The following CCSAP variants were observed in gnomAD, a reference collection of about 807,000 sequenced individuals.
CCSAP encodes centriole, cilia and spindle associated protein, also known as centriole, cilia and spindle-associated protein.
In CCSAP, 17 loss-of-function variants were observed where a neutral mutation model predicts 25.9. The observed-to-expected ratio is 0.66, with a 90% CI of 0.45 to 0.99. The LOEUF (loss-of-function observed/expected upper bound fraction) is 0.99, where lower values mean the gene tolerates loss of function less well. CCSAP is among the 50% of genes least tolerant of loss of function. The pLI is 0.00. For synonymous variants in CCSAP, 169 were observed against 157.1 expected, an observed-to-expected ratio of 1.08 and a Z score of -0.57; for missense variants, 339 against 367.8, an observed-to-expected ratio of 0.92 and a Z score of 0.64.
At chr1:229,340,355 A>T (rs886400236) in intron 2 of CCSAP, 7 of 712,486 alleles carry the variant, frequency 9.8e-6, no homozygotes, top group Middle Eastern at 2.3e-4. Context: ...AACTGAGAGG[A>T]CGCTATATTT....
rs966513700 is a variant in CCSAP at position 229,321,818 on chromosome 1, T to C, written c.*3417A>G. ...TCTGTATCCGTGAGTTCTGCATCCA[T>C]GGATTCAACCAAATACAAATTGAAA... On this transcript the variant is annotated 3_prime_UTR_variant, in exon 4 of 4. Coordinates refer to ENST00000284617, the MANE Select transcript of CCSAP (RefSeq NM_145257.5). 2.0e-5 allele frequency: 3 copies of C among 152,238 alleles called. No homozygotes were observed. The highest frequency in any genetic ancestry group is 4.4e-5 in the Non-Finnish European group (3 of 68,044). 9.4% of individuals were successfully genotyped at this position (152,238 alleles called of 1,614,324 possible).
chr1:229,341,212 A>G (rs1213588713), intron 2 of CCSAP, among the ~76,000 whole-genome samples: 1 of 150,992 alleles, frequency 6.6e-6, no homozygotes, highest in African/African-American at 2.4e-5. Context: ...AAAAAAAAAA[A>G]GATTACAACA....
chr1:229,326,390 G>C (rs1657940682), intron 3 of CCSAP, among the ~76,000 whole-genome samples: 1 of 152,228 alleles, frequency 6.6e-6, no homozygotes, highest in Non-Finnish European at 1.5e-5. Flanking sequence ...GGCAAATCCA[G>C]ATGGGCCGTC....
Position 229,321,459 on chromosome 1 carries a change from C to T in CCSAP, c.*3776G>A, listed in dbSNP as rs1043017094. 5 of 152,118 alleles carry T rather than the reference C, an allele frequency of 3.3e-5. No homozygotes were observed. Among genetic ancestry groups the T allele is most frequent in the African/African-American group, 1.2e-4 (5 of 41,402 alleles). The allele number at this position is 152,118 out of a possible 1,614,324, so 9.4% of individuals were successfully genotyped here. On this transcript the variant is annotated 3_prime_UTR_variant, in exon 4 of 4. Coordinates refer to ENST00000284617, the MANE Select transcript of CCSAP (RefSeq NM_145257.5). ...ATAACTCCATATCCACCCTATAGTA[C>T]AAAAATTCATTTCAAATGCAAACGT...
chr1:229,330,077 A>G (rs1658032944), intron 2 of CCSAP, among the ~76,000 whole-genome samples: 1 of 146,542 alleles, frequency 6.8e-6, no homozygotes, highest in African/African-American at 2.7e-5. Context: ...AGGTGGACAG[A>G]CAACAAGGAC....
At position 229,342,466 on chromosome 1, in the gene CCSAP, G is replaced by T; in HGVS notation, c.-1C>A. On this transcript the variant is annotated 5_prime_UTR_variant, in exon 2 of 4. Coordinates refer to ENST00000284617, the MANE Select transcript of CCSAP (RefSeq NM_145257.5). This position sits in a 1 kb window ranked among gnomAD's most constrained non-coding sequence, Gnocchi z 7.5. ...TCTTCACCCCGCTCCCCGGGGACAT[G>T]GTGCCGTCCGCCGCCTCGAGCGCCA... 1 of 1,344,094 alleles carries T rather than the reference G, an allele frequency of 7.4e-7. No individual in the cohort carries two copies. The highest frequency in any genetic ancestry group is 9.6e-7 in the Non-Finnish European group (1 of 1,043,202). 83.3% of individuals were successfully genotyped at this position (1,344,094 alleles called of 1,614,324 possible).
At chr1:229,340,385 T>C (rs1658303033) in intron 2 of CCSAP, 3 of 715,554 alleles carry the variant, frequency 4.2e-6, no homozygotes, top group East Asian at 2.7e-5. Flanking sequence ...AAAATAATCA[T>C]GAACTCAGAG....
In CCSAP at chr1:229,321,144, C is replaced by G. The variant is rs1657809059; in HGVS notation, c.*4091G>C. On this transcript the variant is annotated 3_prime_UTR_variant, in exon 4 of 4. Transcript: ENST00000284617. ...TGGCCTGGGCTTTGTGATTATGTGC[C>G]CAGCCTTTGTTCCTCCAGAATTTTA... 1 of 152,106 alleles carries G rather than the reference C, an allele frequency of 6.6e-6. No individual in the cohort carries two copies. The highest frequency in any genetic ancestry group is 2.1e-4 in the South Asian group (1 of 4,828). 9.4% of individuals were successfully genotyped at this position (152,106 alleles called of 1,614,324 possible). A position where few individuals can be genotyped will look rare whatever the true frequency, so the allele number is the denominator to read the frequency against.
At chr1:229,338,748 A>T (rs1028316385) in intron 2 of CCSAP, among the ~76,000 whole-genome samples, 15 of 152,166 alleles carry the variant, frequency 9.9e-5, no homozygotes, top group Non-Finnish European at 2.1e-4. Flanking sequence ...GAAGAAAACA[A>T]ACGAAAAATT....
At chr1:229,333,056 T>C (rs570631834) in intron 2 of CCSAP, among the ~76,000 whole-genome samples, 2 of 152,332 alleles carry the variant, frequency 1.3e-5, no homozygotes, top group East Asian at 3.8e-4. Flanking sequence ...TGAAATTATA[T>C]AGAATGTGTT....
rs763788933 is a variant in CCSAP at position 229,326,985 on chromosome 1, T to C, written c.389A>G (p.Glu130Gly). The change falls in exon 3 of 4, where the codon GAA (glutamate) becomes GGA (glycine). Residue 130 changes from glutamate to glycine, a missense_variant. By Grantham distance (98) the Glu-to-Gly change is moderately conservative (BLOSUM62 -2). Coordinates refer to ENST00000284617, the MANE Select transcript of CCSAP (RefSeq NM_145257.5). ...TCTGGTTTGTTGTTCAGGTTTATCT[T>C]CTACATCTTTCACTGGCAGTGCTTT... ...ALPALPVKDV[E>G]DKPEQQTRTR... 9 of 1,608,822 alleles carry C rather than the reference T, an allele frequency of 5.6e-6. No individual in the cohort carries two copies. The South Asian group carries it at 9.9e-5, about 18-fold the overall frequency.
rs1657854853 is a variant in CCSAP, at chr1:229,322,738, C to T, written c.*2497G>A. ...ACTTAATGTCCAGCAGAGTGCTAGA[C>T]AATATTGCTTCAATATTCTATTACT... On this transcript the variant is annotated 3_prime_UTR_variant, in exon 4 of 4. Coordinates refer to ENST00000284617, the MANE Select transcript of CCSAP (RefSeq NM_145257.5). 2 of 152,066 alleles carry T rather than the reference C, an allele frequency of 1.3e-5. No individual in the cohort carries two copies. The allele number at this position is 152,066 out of a possible 1,614,324, so 9.4% of individuals were successfully genotyped here.
intron 3 of CCSAP, 140 bp from the exon 4 acceptor site, chr1:229,325,551 T>C: frequency 1.5e-6 from 1 of 655,430 alleles, no homozygotes; most frequent in Non-Finnish European, 2.5e-6. Context: ...ATAGTTCTTC[T>C]TTACATAAAA....
At chr1:229,339,783 T>C (rs542183045) in intron 2 of CCSAP, among the ~76,000 whole-genome samples, 20 of 152,168 alleles carry the variant, frequency 1.3e-4, no homozygotes, top group Non-Finnish European at 2.8e-4. Flanking sequence ...TGGGAAATAG[T>C]ATGGGTCAGC....
At chr1:229,340,526 G>A (rs1327386368) in intron 2 of CCSAP, 20 of 699,708 alleles carry the variant, frequency 2.9e-5, no homozygotes, top group Non-Finnish European at 5.3e-5. Flanking sequence ...AAGCCATTTA[G>A]CCTGATAAAG....
Position 229,340,373 on chromosome 1 carries a change from C to A in CCSAP, c.367+1726G>T, listed in dbSNP as rs182834355. On this transcript the variant is annotated intron_variant, in intron 2 of 3. Coordinates refer to ENST00000284617, the MANE Select transcript of CCSAP (RefSeq NM_145257.5). ...TGAGAGGACGCTATATTTAAGGAAA[C>A]CAAAATAATCATGAACTCAGAGCTT... The A allele has an allele frequency of 1.6e-4, 112 of 714,818 alleles. No homozygotes were observed. The East Asian group carries it at 2.8e-3, about 18-fold the overall frequency. 44.3% of individuals were successfully genotyped at this position (714,818 alleles called of 1,614,324 possible).
rs1571852898 is a variant in CCSAP, at chr1:229,331,791, TTA to T, written c.368-4787_368-4786del. On this transcript the variant is annotated intron_variant, in intron 2 of 3. Transcript: ENST00000284617. ...CTGTGTCCTTTCTAATATCCTTTTA[TTA>T]TTATTATTATTATTATTATTATTAT... Among the ~76,000 whole-genome samples the T allele has an allele frequency of 1.3e-3, 101 of 76,328 alleles. 2 individuals carry two copies. The highest frequency in any genetic ancestry group is 3.8e-3 in the African/African-American group (63 of 16,792). 50.1% of individuals were successfully genotyped at this position (76,328 alleles called of 152,430 possible).
chr1:229,333,407 T>C (rs537840103), intron 2 of CCSAP, among the ~76,000 whole-genome samples: 5 of 122,582 alleles, frequency 4.1e-5, no homozygotes, highest in Non-Finnish European at 7.9e-5. Context: ...CACTCCAGCC[T>C]GGGCGACAGA....
Position 229,322,164 on chromosome 1 carries a change from A to C in CCSAP, c.*3071T>G, listed in dbSNP as rs1657840936. The C allele has an allele frequency of 6.6e-6, 1 of 152,184 alleles. No homozygotes were observed. Among genetic ancestry groups the C allele is most frequent in the South Asian group, 2.1e-4 (1 of 4,832 alleles). 9.4% of individuals were successfully genotyped at this position (152,184 alleles called of 1,614,324 possible). ...TTCCATTTACAAAGTGTGTGCCCAG[A>C]ACAGCATTATCAACCTGAAAAAGGA... On this transcript the variant is annotated 3_prime_UTR_variant, in exon 4 of 4. Coordinates refer to ENST00000284617, the MANE Select transcript of CCSAP (RefSeq NM_145257.5).
Sources: gnomAD v4.1 joint callset for allele counts (sites outside exome capture counted in the v4.1 genomes callset) on GRCh38, gnomAD v4.1.1 for gene constraint, Gnocchi (gnomAD v3.1) non-coding constraint, MANE v1.5 for transcripts, NCBI Gene and HGNC (gene_info 2026-07-23, HGNC 2026-07-21) for gene names.